CRIPT: variants seen among roughly 807,000 people sequenced by gnomAD.
CRIPT encodes the protein CXXC repeat containing interactor of PDZ3 domain.
A neutral mutation model predicts 16.6 loss-of-function variants in CRIPT; 20 were observed. That is an observed-to-expected ratio of 1.20 (90% CI 0.85 to 1.75). The LOEUF is 1.75. Ranked by LOEUF, CRIPT falls within the 40% of genes most tolerant of loss-of-function variation. CRIPT has a pLI of 0.00. For missense variants in CRIPT, 133 were observed against 115.3 expected (o/e 1.15, Z -0.70); for synonymous variants, 42 against 37.0 (o/e 1.14, Z -0.49).
At chr2:46,619,432 G>C (rs530324180) in intron 2 of CRIPT, among the ~76,000 whole-genome samples, 195 bp from the exon 3 acceptor site, 1 of 151,954 alleles carries the variant, frequency 6.6e-6, no homozygotes, top group African/African-American at 2.4e-5. Flanking sequence ...TAAAATGATT[G>C]TATTTTATAC....
Position 46,629,722 on chromosome 2 carries a change from G to T in CRIPT, c.*5495G>T, listed in dbSNP as rs1671026044. ...GAATGTCCATTTGTCCCTTATTGGT[G>T]ATGCTAATTTTGATCACTTGGGTAA... On this transcript the variant is annotated 3_prime_UTR_variant, in exon 5 of 5. Transcript: ENST00000238892. Among the ~76,000 whole-genome samples the T allele has an allele frequency of 6.6e-6, 1 of 152,156 alleles. No individual in the cohort carries two copies. The highest frequency in any genetic ancestry group is 2.4e-5 in the African/African-American group (1 of 41,414).
rs1553429323 is a variant in CRIPT, at chr2:46,625,924, T to TG, written c.*1697_*1698insG. Among the ~76,000 whole-genome samples the TG allele has an allele frequency of 2.1e-4, 32 of 152,158 alleles. No homozygotes were observed. The highest frequency in any genetic ancestry group is 7.5e-4 in the African/African-American group (31 of 41,422). On this transcript the variant is annotated 3_prime_UTR_variant, in exon 5 of 5. Transcript: ENST00000238892. The stretch of plus-strand genomic sequence containing the variant: ...CTTGCCTAACTCACATTTCATTTTT[T>TG]TTGTTGTTGTTGTTGTTTTTATAAT...
At position 46,623,786 on chromosome 2, in the gene CRIPT, A is replaced by G. The variant is rs1670868477; in HGVS notation, c.160A>G (p.Lys54Glu). ...TAGATTTGATCCATATGGAAAGAAT[A>G]AGTTCTCCACTTGTAGAATTTGTAA... ...KARFDPYGKN[K>E]FSTCRICKSS... Residue 54 changes from lysine (K) to glutamate (E), a missense_variant, in exon 4 of 5, where the codon AAG becomes GAG. Physicochemically the swap from Lys to Glu is moderately conservative, Grantham distance 56. Transcript: ENST00000238892. 4 of 1,606,982 alleles carry G rather than the reference A, an allele frequency of 2.5e-6. No homozygotes were observed. The highest frequency in any genetic ancestry group is 3.4e-6 in the Non-Finnish European group (4 of 1,175,606).
At position 46,620,625 on chromosome 2, in the gene CRIPT, G is replaced by A. The variant is rs528832752; in HGVS notation, c.137+944G>A. On this transcript the variant is annotated intron_variant, in intron 3 of 4. Coordinates refer to ENST00000238892, the MANE Select transcript of CRIPT (RefSeq NM_014171.6). ...CAACAGCCCTGAAACTGTTCTTGTC[G>A]AGATCACAAGTGACCTTTTAGAGTG... 1.6e-4 allele frequency among the ~76,000 whole-genome samples: 24 copies of A among 150,852 alleles called. 1 individual carries two copies. The South Asian group carries it at 4.0e-3, about 25-fold the overall frequency.
rs780813044 is a variant in CRIPT at position 46,625,310 on chromosome 2, A to G, written c.*1083A>G. On this transcript the variant is annotated 3_prime_UTR_variant, in exon 5 of 5. Coordinates refer to ENST00000238892, the MANE Select transcript of CRIPT (RefSeq NM_014171.6). ...GTTCTCGAACTTCTGATCTCAAGCA[A>G]TCCTCTGGCCTCAGCCTTCCGAAGT... The G allele has an allele frequency of 5.3e-5, 8 of 149,798 alleles. No individual in the cohort carries two copies. Among genetic ancestry groups the G allele is most frequent in the Non-Finnish European group, 8.9e-5 (6 of 67,762 alleles). The allele number at this position is 149,798 out of a possible 1,614,324, so 9.3% of individuals were successfully genotyped here. A position where few individuals can be genotyped will look rare whatever the true frequency, so the allele number is the denominator to read the frequency against.
intron 3 of CRIPT, among the ~76,000 whole-genome samples, chr2:46,620,273 C>A (rs1670767851): frequency 6.6e-6 from 1 of 152,084 alleles, no homozygotes; most frequent in Admixed American, 6.6e-5. Flanking sequence ...ACATGTGAAA[C>A]CCTGTCCTAC....
intron 2 of CRIPT, 27 bp from the exon 3 acceptor site, chr2:46,619,600 A>G: frequency 6.5e-7 from 1 of 1,529,572 alleles, no homozygotes; most frequent in Non-Finnish European, 9.0e-7. Context: ...GAAATAACCC[A>G]CTAAAATATC....
At chr2:46,618,109 ACTTT>A (rs1307947956) in intron 1 of CRIPT, among the ~76,000 whole-genome samples, 2 of 148,618 alleles carry the variant, frequency 1.3e-5, no homozygotes, top group African/African-American at 5.0e-5. Flanking sequence ...TTCTCCCCAA[ACTTT>A]CTTTTCTTGG....
chr2:46,628,284 G>A lies in CRIPT; in HGVS notation c.*4057G>A, dbSNP rs1303296863. Among the ~76,000 whole-genome samples, 1 of 151,794 alleles carries A rather than the reference G, an allele frequency of 6.6e-6. No individual in the cohort carries two copies. Among genetic ancestry groups the A allele is most frequent in the Non-Finnish European group, 1.5e-5 (1 of 67,950 alleles). ...CGCCAACCATGCCCAGCTAATTTAT[G>A]TAATTTTAGTAGAGATGGGGTTTCA... On this transcript the variant is annotated 3_prime_UTR_variant, in exon 5 of 5. Coordinates refer to ENST00000238892, the MANE Select transcript of CRIPT (RefSeq NM_014171.6).
Position 46,621,662 on chromosome 2 carries a change from A to G in CRIPT, c.137+1981A>G, listed in dbSNP as rs548622784. On this transcript the variant is annotated intron_variant, in intron 3 of 4. Transcript: ENST00000238892. ...ATCTTTGGTATTTAGAACAGTAAAT[A>G]CCATGTAATATTAAGCACTCAGTAT... Among the ~76,000 whole-genome samples the G allele has an allele frequency of 8.5e-5, 13 of 152,380 alleles. 1 individual carries two copies. In the South Asian group the frequency reaches 1.4e-3, roughly 17 times the overall value.
rs974037650 is a variant in CRIPT at position 46,628,259 on chromosome 2, C to T, written c.*4032C>T. ...CCAAATAGCTGGGATTACAGGAGCC[C>T]GCCAACCATGCCCAGCTAATTTATG... On this transcript the variant is annotated 3_prime_UTR_variant, in exon 5 of 5. Coordinates refer to ENST00000238892, the MANE Select transcript of CRIPT (RefSeq NM_014171.6). 3.3e-5 allele frequency among the ~76,000 whole-genome samples: 5 copies of T among 151,806 alleles called. No homozygotes were observed. The highest frequency in any genetic ancestry group is 9.7e-5 in the African/African-American group (4 of 41,322).
intron 3 of CRIPT, 83 bp downstream of exon 3, chr2:46,619,764 A>T (rs867583297): frequency 1.9e-6 from 2 of 1,049,306 alleles, no homozygotes; most frequent in Middle Eastern, 4.1e-4. Context: ...GATGTGCATC[A>T]TTCCATTTGC....
chr2:46,624,308 A>G lies in CRIPT; in HGVS notation c.*81A>G, dbSNP rs571422001. On this transcript the variant is annotated 3_prime_UTR_variant, in exon 5 of 5. Coordinates refer to ENST00000238892, the MANE Select transcript of CRIPT (RefSeq NM_014171.6). ...TCAAGGCATAGATGTCAACTTACAG[A>G]ATAACATGTTTTAAGATAATTAAGT... 30 of 875,276 alleles carry G rather than the reference A, an allele frequency of 3.4e-5. No homozygotes were observed. The East Asian group carries it at 8.1e-4, about 24-fold the overall frequency. The allele number at this position is 875,276 out of a possible 1,614,324, so 54.2% of individuals were successfully genotyped here. A position where few individuals can be genotyped will look rare whatever the true frequency, so the allele number is the denominator to read the frequency against.
At chr2:46,622,590 G>T (rs35449212) in intron 3 of CRIPT, among the ~76,000 whole-genome samples, 1 of 151,776 alleles carries the variant, frequency 6.6e-6, no homozygotes, top group Non-Finnish European at 1.5e-5. Context: ...AACGCAGGCG[G>T]ATCTCCTGAG....
Position 46,628,749 on chromosome 2 carries a change from G to A in CRIPT, c.*4522G>A, listed in dbSNP as rs546049614. On this transcript the variant is annotated 3_prime_UTR_variant, in exon 5 of 5. Coordinates refer to ENST00000238892, the MANE Select transcript of CRIPT (RefSeq NM_014171.6). ...ATAATAATAATGATGGTCATAAATT[G>A]AATAGAAGTATTTACTAGATGAGGA... Among the ~76,000 whole-genome samples the A allele has an allele frequency of 7.3e-4, 111 of 152,092 alleles. No homozygotes were observed. Among genetic ancestry groups the A allele is most frequent in the Non-Finnish European group, 1.1e-3 (77 of 68,014 alleles).
In CRIPT at chr2:46,626,232, C is replaced by T. The variant is rs1290720470; in HGVS notation, c.*2005C>T. Among the ~76,000 whole-genome samples, 2 of 152,144 alleles carry T rather than the reference C, an allele frequency of 1.3e-5. No homozygotes were observed. Among genetic ancestry groups the T allele is most frequent in the African/African-American group, 2.4e-5 (1 of 41,424 alleles). ...TGTGTATATTCACTATAATGACCTCCAGCTGCATCCATGTTGCTGCAAAAG... is the reference window on the plus strand; with the variant it reads ...TGTGTATATTCACTATAATGACCTCTAGCTGCATCCATGTTGCTGCAAAAG... On this transcript the variant is annotated 3_prime_UTR_variant, in exon 5 of 5. Coordinates refer to ENST00000238892, the MANE Select transcript of CRIPT (RefSeq NM_014171.6).
rs2104186152 is a variant in CRIPT at position 46,629,705 on chromosome 2, A to G, written c.*5478A>G. Among the ~76,000 whole-genome samples, 2 of 152,298 alleles carry G rather than the reference A, an allele frequency of 1.3e-5. No homozygotes were observed. Among genetic ancestry groups the G allele is most frequent in the South Asian group, 4.1e-4 (2 of 4,820 alleles). ...ATACATCCAGATGCACAGAATGTCC[A>G]TTTGTCCCTTATTGGTGATGCTAAT... is the stretch of plus-strand genomic sequence containing the variant. On this transcript the variant is annotated 3_prime_UTR_variant, in exon 5 of 5. Transcript: ENST00000238892.
intron 1 of CRIPT, among the ~76,000 whole-genome samples, 168 bp downstream of exon 1, chr2:46,617,466 A>G (rs940626618): frequency 2.0e-5 from 3 of 151,972 alleles, no homozygotes; most frequent in African/African-American, 4.8e-5. Flanking sequence ...CAACGACCAT[A>G]CAGTCCTATA....
rs1671016753 is a variant in CRIPT at position 46,629,304 on chromosome 2, C to T, written c.*5077C>T. Among the ~76,000 whole-genome samples the T allele has an allele frequency of 6.6e-6, 1 of 152,200 alleles. No individual in the cohort carries two copies. On this transcript the variant is annotated 3_prime_UTR_variant, in exon 5 of 5. Coordinates refer to ENST00000238892, the MANE Select transcript of CRIPT (RefSeq NM_014171.6). ...GAAAGTATATTGTAGACATCATACT[C>T]TTTACCCTTTAACACTACACATGCA...
Sources: gnomAD v4.1 joint callset for allele counts (sites outside exome capture counted in the v4.1 genomes callset) on GRCh38, gnomAD v4.1.1 for gene constraint, MANE v1.5 for transcripts, NCBI Gene and HGNC (gene_info 2026-07-23, HGNC 2026-07-21) for gene names.